RSBN1: variants seen among roughly 807,000 people sequenced by gnomAD.
RSBN1 encodes lysine-specific demethylase 9.
A neutral mutation model predicts 74.8 loss-of-function variants in RSBN1; 23 were observed. That is an observed-to-expected ratio of 0.31 (90% CI 0.22 to 0.44). The LOEUF (loss-of-function observed/expected upper bound fraction) is 0.44, where lower values mean the gene tolerates loss of function less well. Among genes scored for constraint, RSBN1 ranks in the 20% least tolerant of loss-of-function variants. The pLI is 1.00. For missense variants in RSBN1, 808 were observed against 1,020.9 expected, an observed-to-expected ratio of 0.79 and a Z score of 2.84; for synonymous variants, 407 against 379.6, an observed-to-expected ratio of 1.07 and a Z score of -0.84.
At chr1:113,771,363 G>A (rs544964526) in intron 4 of RSBN1, among the ~76,000 whole-genome samples, 1 of 152,158 alleles carries the variant, frequency 6.6e-6, no homozygotes, top group South Asian at 2.1e-4. Flanking sequence ...TTGAGAATGT[G>A]TTTAAGCAAG....
intron 2 of RSBN1, among the ~76,000 whole-genome samples, chr1:113,785,275 ACACT>A (rs1660218436): frequency 6.6e-6 from 1 of 152,210 alleles, no homozygotes; most frequent in Admixed American, 6.5e-5. Flanking sequence ...AGGGGCAATA[ACACT>A]CACGGAGCTA....
intron 2 of RSBN1, among the ~76,000 whole-genome samples, chr1:113,790,288 T>C (rs541944262): frequency 7.9e-5 from 12 of 152,116 alleles, no homozygotes; most frequent in Non-Finnish European, 1.6e-4. Context: ...GTAGTGGTAA[T>C]AGAACAATAT....
At chr1:113,782,620 T>A (rs1660160839) in intron 2 of RSBN1, among the ~76,000 whole-genome samples, 2 of 152,206 alleles carry the variant, frequency 1.3e-5, no homozygotes, top group African/African-American at 2.4e-5. Flanking sequence ...GAAATGCAGA[T>A]CTTCAACATA....
chr1:113,773,092 G>GA (rs201300122), intron 4 of RSBN1, among the ~76,000 whole-genome samples: 540 of 151,686 alleles, frequency 3.6e-3, no homozygotes, highest in Non-Finnish European at 5.7e-3. Context: ...GAACAGAAGG[G>GA]AAAAAAAGCT....
At position 113,765,638 on chromosome 1, in the gene RSBN1, A is replaced by G. The variant is rs1336906868; in HGVS notation, c.*342T>C. On this transcript the variant is annotated 3_prime_UTR_variant, in exon 7 of 7. Transcript: ENST00000261441. ...CAGCAAATATGGCAAGAGACAAGGC[A>G]AGATAAAATTAAGGGAAGTGAATAA... 9.9e-6 allele frequency: 2 copies of G among 202,520 alleles called. No homozygotes were observed. Among genetic ancestry groups the G allele is most frequent in the Non-Finnish European group, 2.0e-5 (2 of 97,860 alleles). 12.5% of individuals were successfully genotyped at this position (202,520 alleles called of 1,614,324 possible). A position where few individuals can be genotyped will look rare whatever the true frequency, so the allele number is the denominator to read the frequency against.
At position 113,797,431 on chromosome 1, in the gene RSBN1, G is replaced by C; in HGVS notation, c.1309C>G (p.Pro437Ala). Reference sequence around the variant, plus strand: ...TTGCCCAGAATTTCCATTTTCACTGGAGTGTTGGGGAAATTAAAAGCAAAG... The same window carrying C: ...TTGCCCAGAATTTCCATTTTCACTGCAGTGTTGGGGAAATTAAAAGCAAAG... ...DYFAFNFPNT[P>A]VKMEILGKKD... The change falls in exon 2 of 7, where the codon CCA becomes GCA. Residue 437 changes from proline to alanine, a missense_variant. Around this residue, in one of 6 missense-constraint regions of RSBN1, gnomAD observed 112 missense variants for 257.3 expected, o/e 0.44. Coordinates refer to ENST00000261441, the MANE Select transcript of RSBN1 (RefSeq NM_018364.5). 6.2e-7 allele frequency: 1 copy of C among 1,613,992 alleles called. No homozygotes were observed. The highest frequency in any genetic ancestry group is 8.5e-7 in the Non-Finnish European group (1 of 1,179,938).
rs751442842 is a variant in RSBN1, at chr1:113,812,306, C to T, written c.107G>A (p.Gly36Glu). The change falls in exon 1 of 7, where the codon GGG (glycine) becomes GAG (glutamate). Residue 36 changes from glycine (G) to glutamate (E), a missense_variant. Physicochemically the swap from Gly to Glu is moderately conservative, Grantham distance 98. This residue lies in a region of RSBN1 where 464 missense variants were observed against 401.0 expected (regional missense o/e 1.16). Transcript: ENST00000261441. ...RAALARCADGGAVGPFKCVFV... is the reference protein window; with the variant it reads ...RAALARCADGEAVGPFKCVFV... ...CACACATTTAAATGGCCCGACCGCC[C>T]CCCCGTCCGCGCATCGCGCAAGCGC... is the stretch of plus-strand genomic sequence containing the variant. 2 of 1,604,244 alleles carry T rather than the reference C, an allele frequency of 1.2e-6. No homozygotes were observed. The highest frequency in any genetic ancestry group is 2.2e-5 in the South Asian group (2 of 91,068).
intron 2 of RSBN1, 150 bp from the exon 3 acceptor site, chr1:113,777,958 C>A: frequency 1.7e-6 from 1 of 595,018 alleles, no homozygotes; most frequent in East Asian, 3.1e-5. Flanking sequence ...AGAGAGGCAC[C>A]CAAGCACACT....
chr1:113,811,755 C>G lies in RSBN1; in HGVS notation c.658G>C (p.Gly220Arg), dbSNP rs1297984002. 6.2e-7 allele frequency: 1 copy of G among 1,612,648 alleles called. No homozygotes were observed. Among genetic ancestry groups the G allele is most frequent in the Non-Finnish European group, 8.5e-7 (1 of 1,179,384 alleles). ...AGAGGCACCCCTCCAGTCCTCTCGCCGTTTTCCTGCTTGTCCTTGTGCTTG... is the reference window on the plus strand; with the variant it reads ...AGAGGCACCCCTCCAGTCCTCTCGCGGTTTTCCTGCTTGTCCTTGTGCTTG... ...DLKHKDKQEN[G>R]ERTGGVPLIK... is the part of the protein sequence containing the mutation. The change falls in exon 1 of 7, where the codon GGC becomes CGC. Residue 220 changes from glycine to arginine, a missense_variant. Physicochemically the swap from Gly to Arg is moderately radical, Grantham distance 125. Coordinates refer to ENST00000261441, the MANE Select transcript of RSBN1 (RefSeq NM_018364.5).
chr1:113,811,976 G>A lies in RSBN1; in HGVS notation c.437C>T (p.Pro146Leu), dbSNP rs772775349. 2 of 1,565,722 alleles carry A rather than the reference G, an allele frequency of 1.3e-6. No homozygotes were observed. Among genetic ancestry groups the A allele is most frequent in the Non-Finnish European group, 1.7e-6 (2 of 1,155,368 alleles). ...GGCGGGTGCCAGCGAAGGTGGCGGC[G>A]GAGGCGGCAGGAGAAGAGGCTCAAC... is the stretch of plus-strand genomic sequence containing the variant. The part of the protein sequence containing the change: ...GPVEPLLLPP[P>L]PPPSLAPAGP... Residue 146 changes from proline to leucine, a missense_variant, in exon 1 of 7, where the codon CCG (proline) becomes CTG (leucine). Pro to Leu is a moderately conservative substitution (Grantham distance 98). Coordinates refer to ENST00000261441, the MANE Select transcript of RSBN1 (RefSeq NM_018364.5).
At chr1:113,795,883 G>C (rs191936933) in intron 2 of RSBN1, among the ~76,000 whole-genome samples, 219 of 152,206 alleles carry the variant, frequency 1.4e-3, no homozygotes, top group African/African-American at 5.2e-3. Context: ...ACAAAACTGG[G>C]ACAGTTTTCC....
intron 5 of RSBN1, among the ~76,000 whole-genome samples, chr1:113,767,670 ACC>A (rs1352384246): frequency 6.6e-6 from 1 of 152,162 alleles, no homozygotes; most frequent in Non-Finnish European, 1.5e-5. Context: ...ATATTTATAC[ACC>A]CATGTTCACA....
chr1:113,776,309 G>C (rs565662286), intron 4 of RSBN1, among the ~76,000 whole-genome samples: 1 of 152,254 alleles, frequency 6.6e-6, no homozygotes, highest in East Asian at 1.9e-4. Context: ...TTAATGAACA[G>C]AACATTGTAG....
At chr1:113,809,794 T>A (rs78025973) in intron 1 of RSBN1, among the ~76,000 whole-genome samples, 1 of 152,340 alleles carries the variant, frequency 6.6e-6, no homozygotes, top group South Asian at 2.1e-4. Context: ...TGTGACTAAT[T>A]ATAAATTAAT....
Position 113,765,925 on chromosome 1 carries a change from A to G in RSBN1, c.*55T>C, listed in dbSNP as rs1255584185. On this transcript the variant is annotated 3_prime_UTR_variant, in exon 7 of 7. Transcript: ENST00000261441. Reference sequence around the variant, plus strand: ...CTTAACTTAAGCCAGTTATAAAACTATAACTTCACATCAAAATTTAAAAAA... The same window carrying G: ...CTTAACTTAAGCCAGTTATAAAACTGTAACTTCACATCAAAATTTAAAAAA... 5 of 1,362,354 alleles carry G rather than the reference A, an allele frequency of 3.7e-6. No individual in the cohort carries two copies. The highest frequency in any genetic ancestry group is 1.4e-5 in the African/African-American group (1 of 69,018). The allele number at this position is 1,362,354 out of a possible 1,614,324, so 84.4% of individuals were successfully genotyped here.
chr1:113,800,396 TACTTCTTA>T (rs960512252), intron 1 of RSBN1, among the ~76,000 whole-genome samples: 1 of 152,096 alleles, frequency 6.6e-6, no homozygotes, highest in African/African-American at 2.4e-5. Context: ...GTAAGAAGTA[TACTTCTTA>T]CCAAATAAAA....
chr1:113,797,835 G>A lies in RSBN1; in HGVS notation c.905C>T (p.Ser302Leu), dbSNP rs199667726. The A allele has an allele frequency of 8.7e-6, 14 of 1,614,004 alleles. No individual in the cohort carries two copies. In the South Asian group the frequency reaches 1.4e-4, roughly 16 times the overall value. ...CCTGAAGGACTCCTTATTAAGTCCT[G>A]AAGTGCTATTTATTTGTCCTTGGGT... ...ILTQGQINST[S>L]GLNKESFRYL... The change falls in exon 2 of 7, where the codon TCA becomes TTA. Residue 302 changes from serine to leucine, a missense_variant. Transcript: ENST00000261441.
chr1:113,768,927 AAT>A (rs1195702301), intron 4 of RSBN1, among the ~76,000 whole-genome samples: 2 of 150,700 alleles, frequency 1.3e-5, no homozygotes, highest in African/African-American at 4.9e-5. Context: ...TGAAAAAAAA[AAT>A]ATATATATAT....
chr1:113,804,752 C>A (rs1340151978), intron 1 of RSBN1, among the ~76,000 whole-genome samples: 2 of 152,104 alleles, frequency 1.3e-5, no homozygotes. Flanking sequence ...TATTTCAATT[C>A]CCTTATAATC....
Sources: allele counts gnomAD v4.1 joint callset (sites outside exome capture counted in the v4.1 genomes callset), GRCh38; gene constraint gnomAD v4.1.1; regional missense constraint gnomAD v4.1.1; transcripts MANE v1.5; gene names NCBI Gene and HGNC (gene_info 2026-07-23, HGNC 2026-07-21).